Variants in C10orf90 observed in about 807,000 individuals in gnomAD.
The protein encoded by C10orf90 is chromosome 10 open reading frame 90, also known as (E2-independent) E3 ubiquitin-conjugating enzyme FATS.
In C10orf90, 56 loss-of-function variants were observed where a neutral mutation model predicts 62.5. That is an observed-to-expected ratio of 0.90 (90% CI 0.72 to 1.12). The LOEUF (loss-of-function observed/expected upper bound fraction) is 1.12. Ranked by LOEUF, C10orf90 falls within the 50% of genes most tolerant of loss-of-function variation. The pLI is 0.00. For synonymous variants in C10orf90, 386 were observed against 340.4 expected, an observed-to-expected ratio of 1.13 and a Z score of -1.47; for missense variants, 970 against 880.4, an observed-to-expected ratio of 1.10 and a Z score of -1.29.
intron 2 of C10orf90, among the ~76,000 whole-genome samples, chr10:126,599,712 T>C (rs1314238326): frequency 6.6e-6 from 1 of 152,132 alleles, no homozygotes; most frequent in Non-Finnish European, 1.5e-5. Context: ...ATTAGGGCAC[T>C]AATCCCCTTC....
intron 2 of C10orf90, among the ~76,000 whole-genome samples, chr10:126,515,097 A>C (rs928966779): frequency 5.3e-5 from 8 of 152,272 alleles, no homozygotes; most frequent in Non-Finnish European, 8.8e-5. Context: ...TTAGATATAC[A>C]GTCACGCTCT....
intron 1 of C10orf90, among the ~76,000 whole-genome samples, chr10:126,669,505 C>CT (rs1246570201): frequency 6.6e-6 from 1 of 152,182 alleles, no homozygotes; most frequent in African/African-American, 2.4e-5. Flanking sequence ...GGTAAATGAG[C>CT]TATATGGGAG....
At chr10:126,610,977 TTTGA>T (rs1344987820) in intron 2 of C10orf90, among the ~76,000 whole-genome samples, 1 of 152,210 alleles carries the variant, frequency 6.6e-6, no homozygotes, top group African/African-American at 2.4e-5. Context: ...GACATAATAG[TTTGA>T]TTGAGATGTA....
chr10:126,537,323 A>T (rs1390959404), intron 2 of C10orf90, among the ~76,000 whole-genome samples: 4 of 152,226 alleles, frequency 2.6e-5, no homozygotes, highest in Non-Finnish European at 5.9e-5. Flanking sequence ...GCCTTTACCT[A>T]AAAAGAGATG....
intron 2 of C10orf90, among the ~76,000 whole-genome samples, chr10:126,638,814 G>A (rs1017056562): frequency 2.0e-5 from 3 of 152,148 alleles, no homozygotes; most frequent in African/African-American, 7.2e-5. Flanking sequence ...GTTCCTCAGT[G>A]CAGTCCTCAC....
chr10:126,630,808 C>T (rs1845836801), intron 2 of C10orf90, among the ~76,000 whole-genome samples: 1 of 152,316 alleles, frequency 6.6e-6, no homozygotes, highest in Admixed American at 6.5e-5. Context: ...TCATCTTCCA[C>T]CCTCCATTCC....
chr10:126,500,475 G>T (rs1259763416), intron 4 of C10orf90, among the ~76,000 whole-genome samples: 1 of 152,194 alleles, frequency 6.6e-6, no homozygotes, highest in Admixed American at 6.5e-5. Context: ...CTGGTGCCTA[G>T]GACTTCTAGA....
intron 4 of C10orf90, among the ~76,000 whole-genome samples, chr10:126,467,438 G>A (rs1296127041): frequency 2.6e-5 from 4 of 152,206 alleles, no homozygotes; most frequent in Non-Finnish European, 5.9e-5. Flanking sequence ...GTGCGAGTGG[G>A]ACCGAGTGGG....
intron 2 of C10orf90, among the ~76,000 whole-genome samples, chr10:126,619,966 A>G (rs997151255): frequency 3.3e-5 from 5 of 152,092 alleles, no homozygotes; most frequent in Non-Finnish European, 5.9e-5. Context: ...AATTCCTGAT[A>G]TATTCTGGAT....
chr10:126,445,331 A>G, intron 7 of C10orf90, among the ~76,000 whole-genome samples: 1 of 152,170 alleles, frequency 6.6e-6, no homozygotes, highest in Non-Finnish European at 1.5e-5. Flanking sequence ...AAAAACAAAC[A>G]ATCCCATCAA....
chr10:126,628,391 G>A (rs1298857453), intron 2 of C10orf90, among the ~76,000 whole-genome samples: 6 of 152,188 alleles, frequency 3.9e-5, no homozygotes, highest in Admixed American at 6.5e-5. Flanking sequence ...ATGGACGGAT[G>A]GATGGATGGA....
chr10:126,589,954 C>T (rs1326283355), intron 2 of C10orf90, among the ~76,000 whole-genome samples: 11 of 152,134 alleles, frequency 7.2e-5, no homozygotes, highest in Non-Finnish European at 1.3e-4. Flanking sequence ...AAACCCATCT[C>T]ACTTGCAAAA....
rs543550948 is a variant in C10orf90, at chr10:126,510,386, C to T, written c.405+3462G>A. Among the ~76,000 whole-genome samples the T allele has an allele frequency of 6.4e-4, 97 of 152,300 alleles. 2 individuals carry two copies. Among genetic ancestry groups the T allele is most frequent in the African/African-American group, 2.3e-3 (94 of 41,580 alleles). ...AATTTTCTCTAGAAAGTAATTACAT[C>T]TTTTACACCAAATATCTTCTCAAAT... is the stretch of plus-strand genomic sequence containing the variant. On this transcript the variant is annotated intron_variant, in intron 3 of 9. Transcript: ENST00000488181.
intron 1 of C10orf90, among the ~76,000 whole-genome samples, chr10:126,654,795 C>T (rs1846359997): frequency 6.6e-6 from 1 of 152,140 alleles, no homozygotes; most frequent in African/African-American, 2.4e-5. Context: ...TGATTTAAAG[C>T]AAGAGATGTG....
intron 2 of C10orf90, among the ~76,000 whole-genome samples, chr10:126,526,446 G>A (rs567517323): frequency 5.3e-5 from 8 of 151,934 alleles, no homozygotes; most frequent in Middle Eastern, 3.4e-3. Flanking sequence ...GGGTTTCACC[G>A]TGTTAGCCAG....
At chr10:126,518,302 G>C (rs1263651274) in intron 2 of C10orf90, among the ~76,000 whole-genome samples, 1 of 152,198 alleles carries the variant, frequency 6.6e-6, no homozygotes, top group Non-Finnish European at 1.5e-5. Flanking sequence ...TTTTGAGGAG[G>C]CTCAGCCCTG....
chr10:126,609,106 A>G (rs1845376419), intron 2 of C10orf90, among the ~76,000 whole-genome samples: 1 of 152,222 alleles, frequency 6.6e-6, no homozygotes, highest in East Asian at 1.9e-4. Context: ...AATATGAAAT[A>G]AGGTATGTGA....
chr10:126,460,885 C>T (rs1033665930), intron 6 of C10orf90, among the ~76,000 whole-genome samples: 9 of 152,140 alleles, frequency 5.9e-5, no homozygotes, highest in Non-Finnish European at 2.9e-5. Flanking sequence ...TTTTATTTCT[C>T]TGTATTTTTT....
In C10orf90 at chr10:126,434,249, C is replaced by G. The variant is rs1029045655; in HGVS notation, c.2189-4399G>C. Among the ~76,000 whole-genome samples, 96 of 152,140 alleles carry G rather than the reference C, an allele frequency of 6.3e-4. 1 individual carries two copies. Among genetic ancestry groups the G allele is most frequent in the African/African-American group, 2.2e-3 (91 of 41,440 alleles). On this transcript the variant is annotated intron_variant, in intron 7 of 9. Transcript: ENST00000488181. ...GTTTATTGTAATCCTCATATCACCT[C>G]TGTGCACACACATACACAAGGACAA...
Sources: allele counts gnomAD v4.1 joint callset (sites outside exome capture counted in the v4.1 genomes callset), GRCh38; gene constraint gnomAD v4.1.1; transcripts MANE v1.5; gene names NCBI Gene and HGNC (gene_info 2026-07-23, HGNC 2026-07-21).